Variants in SHQ1 observed in about 807,000 individuals in gnomAD.
SHQ1 encodes the protein protein SHQ1 homolog.
In SHQ1, 49 loss-of-function variants were observed where a neutral mutation model predicts 53.8. The observed-to-expected ratio is 0.91, with a 90% CI of 0.72 to 1.16. The LOEUF is 1.16. Ranked by LOEUF, SHQ1 falls within the 50% of genes most tolerant of loss-of-function variation. The pLI, the probability that SHQ1 is intolerant of heterozygous loss-of-function variation, is 0.00. For missense variants in SHQ1, 738 were observed against 683.1 expected (o/e 1.08, Z -0.90); for synonymous variants, 243 against 251.0 (o/e 0.97, Z 0.30).
Position 72,749,597 on chromosome 3 carries a change from T to C in SHQ1, c.*687A>G, listed in dbSNP as rs192373535. ...CCGTTCCTCACTTCAGTTGTGGTGATAGTTTTACGCAGGGTATACATACGC... is the reference window on the plus strand; with the variant it reads ...CCGTTCCTCACTTCAGTTGTGGTGACAGTTTTACGCAGGGTATACATACGC... On this transcript the variant is annotated 3_prime_UTR_variant, in exon 11 of 11. Coordinates refer to ENST00000325599, the MANE Select transcript of SHQ1 (RefSeq NM_018130.3). 1.6e-3 allele frequency: 353 copies of C among 220,894 alleles called. 4 individuals are homozygous for C. The highest frequency in any genetic ancestry group is 4.0e-3 in the East Asian group (61 of 15,106). 13.7% of individuals were successfully genotyped at this position (220,894 alleles called of 1,614,324 possible). A position where few individuals can be genotyped will look rare whatever the true frequency, so the allele number is the denominator to read the frequency against.
chr3:72,734,925 T>A, the SHQ1 span, among the ~76,000 whole-genome samples: 1 of 151,648 alleles, frequency 6.6e-6, no homozygotes, highest in South Asian at 2.1e-4. Flanking sequence ...CCGGCCATGA[T>A]CCCTGCAGTA....
At chr3:72,810,136 CAG>C (rs758646385) in intron 9 of SHQ1, among the ~76,000 whole-genome samples, 7 of 151,866 alleles carry the variant, frequency 4.6e-5, no homozygotes, top group Admixed American at 1.3e-4. Context: ...GAGACAGAGA[CAG>C]GGGAAAAAAA....
intron 9 of SHQ1, among the ~76,000 whole-genome samples, chr3:72,810,482 G>A (rs1294750449): frequency 6.6e-6 from 1 of 152,098 alleles, no homozygotes; most frequent in African/African-American, 2.4e-5. Context: ...TTCCTACATT[G>A]GTTTTGAAAG....
At chr3:72,809,583 TG>T (rs1336796057) in intron 9 of SHQ1, 1 of 152,172 alleles carries the variant, frequency 6.6e-6, no homozygotes, top group Non-Finnish European at 1.5e-5. Flanking sequence ...ATTAATAAGA[TG>T]TAGACAATAC....
At chr3:72,800,188 T>C (rs1706743416) in intron 9 of SHQ1, among the ~76,000 whole-genome samples, 1 of 152,142 alleles carries the variant, frequency 6.6e-6, no homozygotes, top group Non-Finnish European at 1.5e-5. Flanking sequence ...TCTGCCACGT[T>C]CTGATACAGC....
At chr3:72,806,026 CCTTTA>C (rs1706932165) in intron 9 of SHQ1, among the ~76,000 whole-genome samples, 1 of 152,102 alleles carries the variant, frequency 6.6e-6, no homozygotes, top group African/African-American at 2.4e-5. Context: ...GATATTCTTT[CCTTTA>C]ATGTTTACGT....
At chr3:72,767,292 GCTC>G (rs2106731924) in intron 10 of SHQ1, among the ~76,000 whole-genome samples, 1 of 152,356 alleles carries the variant, frequency 6.6e-6, no homozygotes, top group East Asian at 1.9e-4. Flanking sequence ...ATTAGCCAGA[GCTC>G]CTCATGTGCA....
Position 72,815,406 on chromosome 3 carries a change from T to C in SHQ1, c.883-3A>G, listed in dbSNP as rs748341534. On this transcript the variant is annotated splice_region_variant and splice_polypyrimidine_tract_variant and intron_variant, in intron 7 of 10. Transcript: ENST00000325599. ...CTGATATTCCATGCAGATTCAACCT[T>C]TATTTGTTTTGGAGAAAAGAATACC... The C allele has an allele frequency of 2.2e-5, 36 of 1,612,352 alleles. No individual in the cohort carries two copies. The highest frequency in any genetic ancestry group is 3.1e-5 in the Non-Finnish European group (36 of 1,178,824).
chr3:72,787,033 C>T (rs1335153417), intron 10 of SHQ1, among the ~76,000 whole-genome samples: 1 of 152,178 alleles, frequency 6.6e-6, no homozygotes, highest in African/African-American at 2.4e-5. Context: ...AGGTCTTAAG[C>T]TTTCTAAAAT....
chr3:72,735,750 AAGGCAGGCAGGCAGGCAGGC>A, the SHQ1 span, among the ~76,000 whole-genome samples: 2 of 122,544 alleles, frequency 1.6e-5, no homozygotes, highest in African/African-American at 6.5e-5. Flanking sequence ...GGAAGGAAGG[AAGGCAGGCAGGCAGGCAGGC>A]AGGCAGGCAG....
chr3:72,811,090 T>C (rs1039567914), intron 9 of SHQ1, among the ~76,000 whole-genome samples: 1 of 152,218 alleles, frequency 6.6e-6, no homozygotes, highest in Non-Finnish European at 1.5e-5. Context: ...TATGCAATCA[T>C]AGTACTGATT....
rs776307449 is a variant in SHQ1 at position 72,841,046 on chromosome 3, T to G, written c.485A>C (p.Gln162Pro). 35 of 1,608,848 alleles carry G rather than the reference T, an allele frequency of 2.2e-5. No individual in the cohort carries two copies. In the Admixed American group the frequency reaches 6.0e-4, roughly 27 times the overall value. The change falls in exon 4 of 11, where the codon CAG becomes CCG. Residue 162 changes from glutamine (Q) to proline (P), a missense_variant and splice_region_variant. Physicochemically the swap from Gln to Pro is moderately conservative, Grantham distance 76. Transcript: ENST00000325599. ...NLRSGVLQRLQDELSDVIDIK... is the reference protein window; with the variant it reads ...NLRSGVLQRLPDELSDVIDIK... ...AGATCTTTCAGAAAGACAACATACCTGTAACCGTTGCAACACTCCTGATCG... is the reference window on the plus strand; with the variant it reads ...AGATCTTTCAGAAAGACAACATACCGGTAACCGTTGCAACACTCCTGATCG...
intron 10 of SHQ1, among the ~76,000 whole-genome samples, chr3:72,759,234 G>T (rs76834039): frequency 0.018 from 2,750 of 152,292 alleles, 78 homozygotes; most frequent in African/African-American, 0.06. Flanking sequence ...AGGACATGAA[G>T]TTTGGAGGGA....
Position 72,753,056 on chromosome 3 carries a change from G to C in SHQ1, c.1182-2220C>G, listed in dbSNP as rs573608117. 6.1e-6 allele frequency: 6 copies of C among 985,118 alleles called. No individual in the cohort carries two copies. In the African/African-American group the frequency reaches 8.7e-5, roughly 14 times the overall value. The allele number at this position is 985,118 out of a possible 1,614,324, so 61.0% of individuals were successfully genotyped here. A position where few individuals can be genotyped will look rare whatever the true frequency, so the allele number is the denominator to read the frequency against. On this transcript the variant is annotated intron_variant, in intron 10 of 10. Transcript: ENST00000325599. Reference sequence around the variant, plus strand: ...TCCATTATTAACTTGGATGCATTTAGTTGTTTTTTGTTTCTAAAAGAACCA... The same window carrying C: ...TCCATTATTAACTTGGATGCATTTACTTGTTTTTTGTTTCTAAAAGAACCA...
At chr3:72,785,401 A>G (rs1048133057) in intron 10 of SHQ1, among the ~76,000 whole-genome samples, 7 of 152,340 alleles carry the variant, frequency 4.6e-5, no homozygotes, top group East Asian at 3.9e-4. Flanking sequence ...CTCCAGAGGC[A>G]GAGGCAAGAG....
chr3:72,772,494 T>A, intron 10 of SHQ1: 2 of 552,490 alleles, frequency 3.6e-6, no homozygotes, highest in Non-Finnish European at 6.8e-6. Context: ...TACAGATGCA[T>A]CTGGACCCTC....
chr3:72,797,519 C>A (rs1706662325), intron 9 of SHQ1, among the ~76,000 whole-genome samples: 1 of 152,046 alleles, frequency 6.6e-6, no homozygotes, highest in Non-Finnish European at 1.5e-5. Flanking sequence ...GAAAAATTGA[C>A]AAATGAAGGT....
Position 72,793,003 on chromosome 3 carries a change from A to C in SHQ1, c.1094T>G (p.Ile365Ser). The C allele has an allele frequency of 6.2e-7, 1 of 1,611,814 alleles. No homozygotes were observed. The highest frequency in any genetic ancestry group is 8.5e-7 in the Non-Finnish European group (1 of 1,178,448). Residue 365 changes from isoleucine (I) to serine (S), a missense_variant, in exon 10 of 11, where the codon ATT becomes AGT. Coordinates refer to ENST00000325599, the MANE Select transcript of SHQ1 (RefSeq NM_018130.3). ...GTCATTTTCCTGAAAAATTTTGTGA[A>C]TATCCAGGAGACACTTTAAAACTGC... ...KSAVLKCLLDIHKIFQENDPA... is the reference protein window; with the variant it reads ...KSAVLKCLLDSHKIFQENDPA...
At chr3:72,811,051 A>C (rs554495783) in intron 9 of SHQ1, among the ~76,000 whole-genome samples, 1 of 152,326 alleles carries the variant, frequency 6.6e-6, no homozygotes, top group African/African-American at 2.4e-5. Context: ...ATTCCTGTGT[A>C]AGTCAAGGCA....
Sources: allele counts gnomAD v4.1 joint callset (sites outside exome capture counted in the v4.1 genomes callset), GRCh38; gene constraint gnomAD v4.1.1; transcripts MANE v1.5; gene names NCBI Gene and HGNC (gene_info 2026-07-23, HGNC 2026-07-21).